Variants in PTPRD observed in about 807,000 individuals in gnomAD.
PTPRD encodes the protein receptor-type tyrosine-protein phosphatase delta.
In PTPRD, 34 loss-of-function variants were observed where a neutral mutation model predicts 214.5. The ratio of observed to expected loss-of-function variants is 0.16; its 90% confidence interval spans 0.12 to 0.21. PTPRD has a LOEUF of 0.21. PTPRD is among the 10% of genes least tolerant of loss of function. PTPRD has a pLI of 1.00. For missense variants in PTPRD, 2,545 were observed against 2,398.7 expected (o/e 1.06, Z -1.27); for synonymous variants, 1,128 against 845.7 (o/e 1.33, Z -5.79).
intron 12 of PTPRD, among the ~76,000 whole-genome samples, chr9:8,719,232 G>T (rs1170303032): frequency 6.6e-6 from 1 of 152,048 alleles, no homozygotes; most frequent in African/African-American, 2.4e-5. Context: ...ATTTGAAATG[G>T]CACTAACAGC....
At chr9:9,823,376 C>T (rs1042800892) in intron 5 of PTPRD, among the ~76,000 whole-genome samples, 2 of 151,920 alleles carry the variant, frequency 1.3e-5, no homozygotes, top group South Asian at 2.1e-4. Context: ...GACCAGATCT[C>T]GTGAGAACTT....
At chr9:10,047,831 C>T (rs2097434875) in intron 3 of PTPRD, among the ~76,000 whole-genome samples, 1 of 152,112 alleles carries the variant, frequency 6.6e-6, no homozygotes, top group Non-Finnish European at 1.5e-5. Context: ...CTACTAACTT[C>T]TCAAAATTGG....
At chr9:9,261,187 C>T (rs972348315) in intron 9 of PTPRD, among the ~76,000 whole-genome samples, 2 of 151,758 alleles carry the variant, frequency 1.3e-5, no homozygotes, top group African/African-American at 2.4e-5. Context: ...GTTTTCTTAG[C>T]ATGGGAAATG....
At chr9:9,412,603 G>C (rs113738617) in intron 8 of PTPRD, among the ~76,000 whole-genome samples, 2 of 152,194 alleles carry the variant, frequency 1.3e-5, no homozygotes, top group African/African-American at 4.8e-5. Flanking sequence ...ACGCGAAGGG[G>C]TTTAGACTCT....
At chr9:10,520,224 G>A (rs1589967861) in intron 2 of PTPRD, among the ~76,000 whole-genome samples, 2 of 152,208 alleles carry the variant, frequency 1.3e-5, no homozygotes, top group East Asian at 1.9e-4. Flanking sequence ...GTGAACACAC[G>A]GATAATAAGA....
chr9:9,763,024 G>T (rs976143232), intron 6 of PTPRD, among the ~76,000 whole-genome samples: 3 of 152,156 alleles, frequency 2.0e-5, no homozygotes, highest in Non-Finnish European at 4.4e-5. Context: ...TCCTTTGTGT[G>T]TAAGCAGAGA....
intron 11 of PTPRD, among the ~76,000 whole-genome samples, chr9:8,815,256 T>C (rs1328898072): frequency 6.6e-6 from 1 of 152,184 alleles, no homozygotes; most frequent in East Asian, 1.9e-4. Context: ...ATGCCTCTGC[T>C]GCTGCTACTG....
chr9:9,100,538 A>G (rs570502961), intron 10 of PTPRD, among the ~76,000 whole-genome samples: 1 of 152,292 alleles, frequency 6.6e-6, no homozygotes, highest in South Asian at 2.1e-4. Context: ...ATGATCAGGT[A>G]GACAGAACAT....
At chr9:10,506,994 G>C (rs1002800247) in intron 2 of PTPRD, among the ~76,000 whole-genome samples, 2 of 152,072 alleles carry the variant, frequency 1.3e-5, no homozygotes, top group Non-Finnish European at 2.9e-5. Context: ...GGAGTGGTGA[G>C]AGAGGGCATC....
intron 10 of PTPRD, among the ~76,000 whole-genome samples, chr9:9,123,005 G>C (rs1305881706): frequency 6.6e-6 from 1 of 152,168 alleles, no homozygotes; most frequent in East Asian, 1.9e-4. Context: ...TAAATTCACT[G>C]TTTTTGTTGT....
At chr9:10,610,552 G>C (rs1038048602) in intron 2 of PTPRD, among the ~76,000 whole-genome samples, 4 of 151,606 alleles carry the variant, frequency 2.6e-5, no homozygotes, top group East Asian at 1.9e-4. Flanking sequence ...GGACATGTGA[G>C]GTCAGAAATG....
At chr9:10,082,076 G>T (rs2098247703) in intron 3 of PTPRD, among the ~76,000 whole-genome samples, 2 of 151,972 alleles carry the variant, frequency 1.3e-5, no homozygotes, top group Non-Finnish European at 2.9e-5. Context: ...GACTTGGTTT[G>T]GAAGATGCAA....
At chr9:10,296,396 A>G (rs1007248618) in intron 3 of PTPRD, among the ~76,000 whole-genome samples, 2 of 152,074 alleles carry the variant, frequency 1.3e-5, no homozygotes, top group Non-Finnish European at 2.9e-5. Flanking sequence ...AAAAGCATCC[A>G]AGAACTGAGA....
intron 10 of PTPRD, among the ~76,000 whole-genome samples, chr9:9,058,051 T>C (rs964208650): frequency 1.7e-4 from 26 of 152,182 alleles, no homozygotes; most frequent in African/African-American, 6.0e-4. Flanking sequence ...TAAAATGAGA[T>C]TATAGGAAAA....
intron 7 of PTPRD, among the ~76,000 whole-genome samples, chr9:9,699,346 A>G (rs550615189): frequency 9.9e-5 from 15 of 152,204 alleles, no homozygotes; most frequent in African/African-American, 2.4e-4. Context: ...AACCACCATT[A>G]TCTTTTAATA....
chr9:8,611,801 A>AG (rs2095458923), intron 14 of PTPRD, among the ~76,000 whole-genome samples: 1 of 120,316 alleles, frequency 8.3e-6, no homozygotes, highest in East Asian at 2.5e-4. Context: ...AGAGAAAAGA[A>AG]AAAAGAGGAG....
At chr9:10,536,264 C>T (rs2057777313) in intron 2 of PTPRD, among the ~76,000 whole-genome samples, 1 of 152,056 alleles carries the variant, frequency 6.6e-6, no homozygotes, top group East Asian at 1.9e-4. Flanking sequence ...ATCATCTGTG[C>T]ACAGATAGTG....
At chr9:9,509,466 A>G (rs2096647796) in intron 8 of PTPRD, among the ~76,000 whole-genome samples, 1 of 151,352 alleles carries the variant, frequency 6.6e-6, no homozygotes, top group South Asian at 2.1e-4. Flanking sequence ...ACAATGACAC[A>G]CCAGACCCCT....
At chr9:8,777,361 GA>G (rs370783373) in intron 11 of PTPRD, among the ~76,000 whole-genome samples, 5,968 of 150,102 alleles carry the variant, frequency 0.04, 255 homozygotes, top group African/African-American at 0.11. Flanking sequence ...TTTCCTTCTG[GA>G]AAAAAAAAGA....
Sources: allele counts gnomAD v4.1 joint callset (sites outside exome capture counted in the v4.1 genomes callset), GRCh38; gene constraint gnomAD v4.1.1; transcripts MANE v1.5; gene names NCBI Gene and HGNC (gene_info 2026-07-23, HGNC 2026-07-21).